Variants in RPS6KA4 observed in about 807,000 individuals in gnomAD.
RPS6KA4 encodes ribosomal protein S6 kinase alpha-4.
RPS6KA4 carries 38 observed loss-of-function variants against 89.6 expected under a neutral mutation model. The ratio of observed to expected loss-of-function variants is 0.42; its 90% CI spans 0.33 to 0.56. RPS6KA4 has a LOEUF of 0.56. RPS6KA4 is among the 20% of genes least tolerant of loss of function. RPS6KA4 has a pLI of 0.07. For synonymous variants in RPS6KA4, 495 were observed against 492.8 expected (o/e 1.00, Z -0.06); for missense variants, 873 against 1,098.8 (o/e 0.79, Z 2.90).
intron 4 of RPS6KA4, chr11:64,360,884 C>G (rs963744924): frequency 1.8e-5 from 10 of 570,224 alleles, no homozygotes; most frequent in Admixed American, 1.3e-4. Flanking sequence ...GCTCCTAAGG[C>G]CTCCTTGAAA....
intron 12 of RPS6KA4, 116 bp downstream of exon 12, chr11:64,368,913 C>T (rs2036971001): frequency 7.3e-6 from 7 of 963,572 alleles, no homozygotes; most frequent in South Asian, 3.0e-5. Flanking sequence ...TGATTCGGGG[C>T]CCAAAGGGAC....
In RPS6KA4 at chr11:64,371,803, A is replaced by C; in HGVS notation, c.*323A>C. ...AAGAGCCCCTCCCCCACTTCTAAGC[A>C]CTGAGTTAGGAGTGCTAACTCCTAA... On this transcript the variant is annotated 3_prime_UTR_variant, in exon 17 of 17. Coordinates refer to ENST00000334205, the MANE Select transcript of RPS6KA4 (RefSeq NM_003942.3). 3.8e-6 allele frequency: 1 copy of C among 260,152 alleles called. No individual in the cohort carries two copies. 16.1% of individuals were successfully genotyped at this position (260,152 alleles called of 1,614,324 possible).
At position 64,370,767 on chromosome 11, in the gene RPS6KA4, C is replaced by T; in HGVS notation, c.2121+41C>T. The T allele has an allele frequency of 1.4e-6, 2 of 1,479,730 alleles. No individual in the cohort carries two copies. The highest frequency in any genetic ancestry group is 1.8e-6 in the Non-Finnish European group (2 of 1,114,464). 91.7% of individuals were successfully genotyped at this position (1,479,730 alleles called of 1,614,324 possible). A position where few individuals can be genotyped will look rare whatever the true frequency, so the allele number is the denominator to read the frequency against. ...TGTTGAAGGGAAGGGGTGGGCGAAG[C>T]CTCGAGAGGTGGGGTCTGGGGAGGC... On this transcript the variant is annotated intron_variant, in intron 16 of 16. Coordinates refer to ENST00000334205, the MANE Select transcript of RPS6KA4 (RefSeq NM_003942.3). This position sits in a 1 kb window ranked among gnomAD's most constrained non-coding sequence, Gnocchi z 4.1.
chr11:64,367,472 G>A (rs1423640174), intron 9 of RPS6KA4, among the ~76,000 whole-genome samples: 3 of 152,184 alleles, frequency 2.0e-5, no homozygotes, highest in African/African-American at 7.2e-5. Context: ...CACCACGCCT[G>A]GCTAATTTTT....
At position 64,368,192 on chromosome 11, in the gene RPS6KA4, G is replaced by A. The variant is rs1351312231; in HGVS notation, c.1132G>A (p.Gly378Arg). Residue 378 changes from glycine to arginine, a missense_variant, in exon 10 of 17, where the codon GGG (glycine) becomes AGG (arginine). By Grantham distance (125) the Gly-to-Arg change is moderately radical. Coordinates refer to ENST00000334205, the MANE Select transcript of RPS6KA4 (RefSeq NM_003942.3). Reference protein sequence around the residue: ...FDHNNAVMTDGLEAPGAGDRP... With the variant: ...FDHNNAVMTDRLEAPGAGDRP... ...CCACAACAACGCGGTGATGACCGAT[G>A]GGCTGGAAGCGCCTGGTGCTGGAGA... The A allele has an allele frequency of 1.2e-6, 2 of 1,613,770 alleles. No individual in the cohort carries two copies. The highest frequency in any genetic ancestry group is 8.5e-7 in the Non-Finnish European group (1 of 1,180,034).
Position 64,369,486 on chromosome 11 carries a change from A to T in RPS6KA4, c.1469A>T (p.Glu490Val). The T allele has an allele frequency of 6.2e-7, 1 of 1,609,694 alleles. No individual in the cohort carries two copies. Among genetic ancestry groups the T allele is most frequent in the South Asian group, 1.1e-5 (1 of 90,758 alleles). Residue 490 changes from glutamate (E) to valine (V), a missense_variant, in exon 13 of 17, where the codon GAG becomes GTG. By Grantham distance (121) the Glu-to-Val change is moderately radical (BLOSUM62 -2). This residue lies in a region of RPS6KA4 where 542 missense variants were observed against 736.4 expected (regional missense o/e 0.74). Transcript: ENST00000334205. ...YLVLELLRGG[E>V]LLEHIRKKRH... ...GTCCTGGAGCTGCTGCGGGGCGGGG[A>T]GCTGCTGGAGCACATCCGCAAGAAG... is the stretch of plus-strand genomic sequence containing the variant.
At chr11:64,364,967 GGTC>G (rs1325541777) in intron 8 of RPS6KA4, among the ~76,000 whole-genome samples, 1 of 149,180 alleles carries the variant, frequency 6.7e-6, no homozygotes, top group Non-Finnish European at 1.5e-5. Context: ...TAACCAGGCT[GGTC>G]TTGAACTCCT....
intron 8 of RPS6KA4, among the ~76,000 whole-genome samples, chr11:64,365,080 C>T (rs557737472): frequency 2.6e-5 from 4 of 152,166 alleles, no homozygotes; most frequent in Non-Finnish European, 5.9e-5. Flanking sequence ...TTAAAAGTTC[C>T]AGAACTGACT....
rs374882043 is a variant in RPS6KA4, at chr11:64,361,043, G to A, written c.463-91G>A. 661 of 1,015,724 alleles carry A rather than the reference G, an allele frequency of 6.5e-4. 4 individuals carry two copies. The African/African-American group carries it at 9.7e-3, about 15-fold the overall frequency. 62.9% of individuals were successfully genotyped at this position (1,015,724 alleles called of 1,614,324 possible). On this transcript the variant is annotated intron_variant, in intron 4 of 16. Coordinates refer to ENST00000334205, the MANE Select transcript of RPS6KA4 (RefSeq NM_003942.3). This position sits in a 1 kb window ranked among gnomAD's most constrained non-coding sequence, Gnocchi z 4.7. ...TCTACAGGCAGATGACTTTCTCTGGGGGGTCTCCTTATCCTGAGCAGGGCC... is the reference window on the plus strand; with the variant it reads ...TCTACAGGCAGATGACTTTCTCTGGAGGGTCTCCTTATCCTGAGCAGGGCC...
At chr11:64,366,953 C>T (rs1231426535) in intron 9 of RPS6KA4, among the ~76,000 whole-genome samples, 2 of 152,146 alleles carry the variant, frequency 1.3e-5, no homozygotes, top group Non-Finnish European at 2.9e-5. Context: ...GCTTGAATGT[C>T]CACATTCCAT....
intron 8 of RPS6KA4, among the ~76,000 whole-genome samples, chr11:64,363,385 G>A (rs1040302879): frequency 1.3e-5 from 2 of 152,216 alleles, no homozygotes; most frequent in African/African-American, 4.8e-5. Flanking sequence ...CTTCACCTAT[G>A]CTGGGTGCTG....
Position 64,361,506 on chromosome 11 carries a change from A to T in RPS6KA4, c.608A>T (p.Tyr203Phe). ...RTFSFCGTIE[Y>F]MAPEIIRSKT... Reference sequence around the variant, plus strand: ...TTCTCCTTCTGTGGCACCATCGAGTACATGGCCCCCGAAATCATCCGTAGC... The same window carrying T: ...TTCTCCTTCTGTGGCACCATCGAGTTCATGGCCCCCGAAATCATCCGTAGC... The change falls in exon 6 of 17, where the codon TAC becomes TTC. Residue 203 changes from tyrosine to phenylalanine, a missense_variant. Around this residue, in one of 4 missense-constraint regions of RPS6KA4, gnomAD observed 542 missense variants for 736.4 expected, o/e 0.74. Transcript: ENST00000334205. This position sits in a 1 kb window ranked among gnomAD's most constrained non-coding sequence, Gnocchi z 4.7. 6.2e-7 allele frequency: 1 copy of T among 1,614,170 alleles called. No homozygotes were observed. The highest frequency in any genetic ancestry group is 8.5e-7 in the Non-Finnish European group (1 of 1,180,024).
chr11:64,359,498 A>T, intron 2 of RPS6KA4, 49 bp downstream of exon 2: 1 of 1,587,720 alleles, frequency 6.3e-7, no homozygotes, highest in Non-Finnish European at 8.6e-7. Context: ...GGTGCCCCTG[A>T]CCTCCTGCCT....
intron 2 of RPS6KA4, 122 bp from the exon 3 acceptor site, chr11:64,360,041 C>T: frequency 1.1e-6 from 1 of 906,026 alleles, no homozygotes; most frequent in Non-Finnish European, 1.7e-6. Flanking sequence ...GCACACCTGC[C>T]TGTTGCCCCA....
intron 8 of RPS6KA4, among the ~76,000 whole-genome samples, chr11:64,364,551 A>C (rs1484021867): frequency 1.3e-5 from 2 of 152,094 alleles, no homozygotes; most frequent in Non-Finnish European, 2.9e-5. Context: ...CATAAGTGAA[A>C]AGGTCGAGGG....
chr11:64,368,332 A>G, intron 10 of RPS6KA4, 72 bp downstream of exon 10: 1 of 1,573,194 alleles, frequency 6.4e-7, no homozygotes, highest in Non-Finnish European at 8.6e-7. Flanking sequence ...CTCTAGGCCT[A>G]GATCCAACTG....
rs1172544220 is a variant in RPS6KA4, at chr11:64,359,742, C to G, written c.127+293C>G. 10 of 546,438 alleles carry G rather than the reference C, an allele frequency of 1.8e-5. No individual in the cohort carries two copies. In the Admixed American group the frequency reaches 3.4e-4, roughly 19 times the overall value. 33.8% of individuals were successfully genotyped at this position (546,438 alleles called of 1,614,324 possible). Reference sequence around the variant, plus strand: ...CTCAAGTGATTTGCATAGCTCCTCCCTTTCTTCCAATATGGGATCCCCCTC... The same window carrying G: ...CTCAAGTGATTTGCATAGCTCCTCCGTTTCTTCCAATATGGGATCCCCCTC... On this transcript the variant is annotated intron_variant, in intron 2 of 16. Transcript: ENST00000334205.
In RPS6KA4 at chr11:64,371,602, C is replaced by A. The variant is rs1480430218; in HGVS notation, c.*122C>A. The A allele has an allele frequency of 2.4e-5, 14 of 579,878 alleles. No homozygotes were observed. In the South Asian group the frequency reaches 2.9e-4, roughly 12 times the overall value. 35.9% of individuals were successfully genotyped at this position (579,878 alleles called of 1,614,324 possible). A position where few individuals can be genotyped will look rare whatever the true frequency, so the allele number is the denominator to read the frequency against. ...GGGACTGTCCTTTCCTCTCCTACCCCACCCCACTCCCAGACAGAGCAGAAG... is the reference window on the plus strand; with the variant it reads ...GGGACTGTCCTTTCCTCTCCTACCCAACCCCACTCCCAGACAGAGCAGAAG... On this transcript the variant is annotated 3_prime_UTR_variant, in exon 17 of 17. Coordinates refer to ENST00000334205, the MANE Select transcript of RPS6KA4 (RefSeq NM_003942.3).
At position 64,371,711 on chromosome 11, in the gene RPS6KA4, G is replaced by T; in HGVS notation, c.*231G>T. ...GGCCTGCTGGGGAGTGGGGTTTGGG[G>T]GGCCCTCTCCCAGGACACTGCCTCT... On this transcript the variant is annotated 3_prime_UTR_variant, in exon 17 of 17. Coordinates refer to ENST00000334205, the MANE Select transcript of RPS6KA4 (RefSeq NM_003942.3). 1 of 462,686 alleles carries T rather than the reference G, an allele frequency of 2.2e-6. No homozygotes were observed. Among genetic ancestry groups the T allele is most frequent in the Non-Finnish European group, 3.8e-6 (1 of 260,402 alleles). The allele number at this position is 462,686 out of a possible 1,614,324, so 28.7% of individuals were successfully genotyped here.
Sources: allele counts gnomAD v4.1 joint callset (sites outside exome capture counted in the v4.1 genomes callset), GRCh38; gene constraint gnomAD v4.1.1; regional missense constraint gnomAD v4.1.1; non-coding constraint Gnocchi (gnomAD v3.1); transcripts MANE v1.5; gene names NCBI Gene and HGNC (gene_info 2026-07-23, HGNC 2026-07-21).